The following RBBP8 variants were observed in gnomAD, a reference collection of about 807,000 sequenced individuals.
The protein encoded by RBBP8 is RB binding protein 8, endonuclease.
In RBBP8, 88 loss-of-function variants were observed where a neutral mutation model predicts 108.3. That is an observed-to-expected ratio of 0.81 (90% confidence interval 0.68 to 0.97). RBBP8 has a LOEUF of 0.97. RBBP8 is among the 50% of genes least tolerant of loss of function. RBBP8 has a pLI of 0.00. For synonymous variants in RBBP8, 332 were observed against 348.2 expected, an observed-to-expected ratio of 0.95 and a Z score of 0.52; for missense variants, 1,023 against 1,049.0, an observed-to-expected ratio of 0.98 and a Z score of 0.34.
In RBBP8 at chr18:22,970,257, T is replaced by C. The variant is rs142088198; in HGVS notation, c.361+1339T>C. The stretch of plus-strand genomic sequence containing the variant: ...TCCACAGATTTAGAACTCACAGATA[T>C]AGAAGGCCAACTGTAGTTGAGATCC... On this transcript the variant is annotated intron_variant, in intron 5 of 18. Transcript: ENST00000327155. Among the ~76,000 whole-genome samples, 14 of 152,270 alleles carry C rather than the reference T, an allele frequency of 9.2e-5. 1 individual carries two copies. The highest frequency in any genetic ancestry group is 3.3e-4 in the Admixed American group (5 of 15,292).
chr18:23,015,026 TAGGTGTG>T (rs2046233237), intron 16 of RBBP8, among the ~76,000 whole-genome samples: 1 of 152,130 alleles, frequency 6.6e-6, no homozygotes, highest in African/African-American at 2.4e-5. Flanking sequence ...CCTGGGACTA[TAGGTGTG>T]TGCCACCACA....
In RBBP8 at chr18:22,996,332, G is replaced by T. The variant is rs531634830; in HGVS notation, c.1940-42G>T. On this transcript the variant is annotated intron_variant, in intron 12 of 18. Transcript: ENST00000327155. The stretch of plus-strand genomic sequence containing the variant: ...ATATTTTAAAGTGATGAGAATTTTT[G>T]AAATCAGTTTTTTAATTGCATGCTC... The T allele has an allele frequency of 5.0e-6, 8 of 1,608,568 alleles. No individual in the cohort carries two copies. In the East Asian group the frequency reaches 1.6e-4, roughly 31 times the overall value.
intron 8 of RBBP8, among the ~76,000 whole-genome samples, chr18:22,985,360 G>A (rs1380407504): frequency 6.6e-6 from 1 of 152,226 alleles, no homozygotes; most frequent in Middle Eastern, 3.4e-3. Context: ...AGAAGCAAGT[G>A]CTCTGAAGAA....
At chr18:23,014,544 G>A (rs546746857) in intron 16 of RBBP8, among the ~76,000 whole-genome samples, 2 of 152,056 alleles carry the variant, frequency 1.3e-5, no homozygotes, top group Admixed American at 1.3e-4. Flanking sequence ...TGAGGCAGGG[G>A]GATTACTTGA....
At chr18:22,930,042 C>T (rs1391308437), upstream of RBBP8, among the ~76,000 whole-genome samples, 4 of 152,156 alleles carry the variant, frequency 2.6e-5, no homozygotes, top group South Asian at 6.2e-4. Context: ...CTAGAATCTA[C>T]AGGATTTCAT....
chr18:23,005,674 A>G (rs748845029), intron 15 of RBBP8, among the ~76,000 whole-genome samples: 2 of 151,988 alleles, frequency 1.3e-5, no homozygotes, highest in Non-Finnish European at 2.9e-5. Flanking sequence ...CGGCCTCCCA[A>G]AGTGCTGAGA....
intron 4 of RBBP8, among the ~76,000 whole-genome samples, chr18:22,958,568 G>A (rs1038119238): frequency 6.6e-5 from 10 of 151,640 alleles, no homozygotes; most frequent in African/African-American, 2.4e-4. Flanking sequence ...TTGTTTGTTT[G>A]TTTTGAGGCA....
At chr18:22,932,339 T>C (rs114643476), upstream of RBBP8, among the ~76,000 whole-genome samples, 2,343 of 152,316 alleles carry the variant, frequency 0.015, 67 homozygotes, top group African/African-American at 0.054. Flanking sequence ...AAAAATTACA[T>C]AGTCAAAATT....
Position 23,022,113 on chromosome 18 carries a change from C to T in RBBP8, c.2455-16C>T, listed in dbSNP as rs368365418. 1 of 1,573,532 alleles carries T rather than the reference C, an allele frequency of 6.4e-7. No individual in the cohort carries two copies. Among genetic ancestry groups the T allele is most frequent in the Non-Finnish European group, 8.7e-7 (1 of 1,143,490 alleles). ...ATTATTCTTTAGTGAAAAAACTTAC[C>T]AGTTTTTATTATTAGTATTATGCAG... is the stretch of plus-strand genomic sequence containing the variant. On this transcript the variant is annotated splice_polypyrimidine_tract_variant and intron_variant, in intron 17 of 18. Transcript: ENST00000327155.
In RBBP8 at chr18:23,022,989, G is replaced by A. The variant is rs151259515; in HGVS notation, c.2596+719G>A. On this transcript the variant is annotated intron_variant, in intron 18 of 18. Transcript: ENST00000327155. The stretch of plus-strand genomic sequence containing the variant: ...ATAATCATGGCTCACTGATGCCTCC[G>A]ACTTATGGGCTCAAACTCTACCTCA... Among the ~76,000 whole-genome samples, 721 of 151,426 alleles carry A rather than the reference G, an allele frequency of 4.8e-3. 5 individuals carry two copies. The highest frequency in any genetic ancestry group is 5.1e-3 in the Non-Finnish European group (346 of 67,886).
chr18:22,978,994 A>G (rs1317334221), intron 6 of RBBP8, among the ~76,000 whole-genome samples: 1 of 152,270 alleles, frequency 6.6e-6, no homozygotes, highest in Non-Finnish European at 1.5e-5. Context: ...TTGGCTGGGC[A>G]CAGTGGCTCA....
intron 17 of RBBP8, 135 bp downstream of exon 17, chr18:23,017,059 TAAG>T: frequency 1.3e-6 from 1 of 754,000 alleles, no homozygotes; most frequent in Non-Finnish European, 2.2e-6. Context: ...ACAGCAGGAA[TAAG>T]GAGTATTCTG....
At chr18:22,935,950 T>C (rs1480105508) in intron 1 of RBBP8, among the ~76,000 whole-genome samples, 1 of 152,216 alleles carries the variant, frequency 6.6e-6, no homozygotes, top group Non-Finnish European at 1.5e-5. Context: ...TGGAAAGTTA[T>C]ACAGATCCTC....
intron 2 of RBBP8, 44 bp downstream of exon 2, chr18:22,937,004 C>T: frequency 6.2e-7 from 1 of 1,610,168 alleles, no homozygotes; most frequent in South Asian, 1.1e-5. Context: ...TTTGTTGAGA[C>T]TGTAGTGGCT....
upstream of RBBP8, chr18:22,929,540 G>GTGTGTGTGTGTA (rs1567939820): frequency 8.0e-6 from 1 of 125,720 alleles, no homozygotes; most frequent in African/African-American, 3.3e-5. Flanking sequence ...GTGTGTGTGT[G>GTGTGTGTGTGTA]TGTGTGTGTG....
chr18:22,928,765 G>A (rs1302013678), upstream of RBBP8, among the ~76,000 whole-genome samples: 7 of 152,036 alleles, frequency 4.6e-5, no homozygotes, highest in Non-Finnish European at 1.0e-4. Context: ...CGCCTCCTGG[G>A]TTCAAGTGAT....
chr18:23,017,451 A>C (rs967446177), intron 17 of RBBP8, among the ~76,000 whole-genome samples: 2 of 151,840 alleles, frequency 1.3e-5, no homozygotes, highest in Non-Finnish European at 2.9e-5. Flanking sequence ...AAGGAGATCT[A>C]GACCATCCTG....
chr18:22,978,846 A>G (rs1238873450), intron 6 of RBBP8, among the ~76,000 whole-genome samples: 1 of 152,230 alleles, frequency 6.6e-6, no homozygotes, highest in Non-Finnish European at 1.5e-5. Flanking sequence ...TGTTTTTACT[A>G]CAAAAAAAAG....
Position 22,966,588 on chromosome 18 carries a change from A to AG in RBBP8, c.249-2218_249-2217insG, listed in dbSNP as rs1391751239. On this transcript the variant is annotated intron_variant, in intron 4 of 18. Coordinates refer to ENST00000327155, the MANE Select transcript of RBBP8 (RefSeq NM_002894.3). The stretch of plus-strand genomic sequence containing the variant: ...ACCCCATCTCATTAAAAAAAAAAAA[A>AG]AAAAGTCTATGTTCTTTTATTTTGC... 4.1e-3 allele frequency among the ~76,000 whole-genome samples: 214 copies of AG among 52,216 alleles called. 5 individuals are homozygous for AG. The highest frequency in any genetic ancestry group is 0.015 in the South Asian group (19 of 1,230). 34.3% of individuals were successfully genotyped at this position (52,216 alleles called of 152,430 possible).
Sources: allele counts gnomAD v4.1 joint callset (sites outside exome capture counted in the v4.1 genomes callset), GRCh38; gene constraint gnomAD v4.1.1; transcripts MANE v1.5; gene names NCBI Gene and HGNC (gene_info 2026-07-23, HGNC 2026-07-21).